PRSS55: variants seen among roughly 807,000 people sequenced by gnomAD.
The protein encoded by PRSS55 is probable serine protease UNQ9391/PRO34284.
PRSS55 carries 41 observed loss-of-function variants against 23.6 expected under a neutral mutation model. The observed-to-expected ratio is 1.74, with a 90% CI of 1.35 to 2.26. PRSS55 has a LOEUF of 2.26. Among genes scored for constraint, PRSS55 ranks in the 30% most tolerant of loss-of-function variants. The pLI is 0.00. For synonymous variants in PRSS55, 262 were observed against 175.5 expected (o/e 1.49, Z -3.90); for missense variants, 669 against 439.1 (o/e 1.52, Z -4.68).
intron 4 of PRSS55, among the ~76,000 whole-genome samples, chr8:10,543,952 T>C (rs192570527): frequency 1.3e-5 from 2 of 152,242 alleles, no homozygotes; most frequent in South Asian, 2.1e-4. Flanking sequence ...ATATGATCTA[T>C]CCTAAAGAAT....
intron 4 of PRSS55, among the ~76,000 whole-genome samples, chr8:10,537,244 T>A (rs1812488078): frequency 6.6e-6 from 1 of 152,158 alleles, no homozygotes; most frequent in Non-Finnish European, 1.5e-5. Flanking sequence ...CACGAATGGA[T>A]GAATTGATAA....
chr8:10,549,483 C>A (rs560603831), intron 4 of PRSS55, among the ~76,000 whole-genome samples: 1 of 152,286 alleles, frequency 6.6e-6, no homozygotes, highest in East Asian at 1.9e-4. Context: ...GGGGCTAAGC[C>A]CACGTACAGC....
chr8:10,542,927 G>C (rs562565793), downstream of PRSS55, among the ~76,000 whole-genome samples: 2 of 140,668 alleles, frequency 1.4e-5, no homozygotes, highest in African/African-American at 5.3e-5. Flanking sequence ...ATGAAATCAA[G>C]AATCAAGGCT....
downstream of PRSS55, among the ~76,000 whole-genome samples, chr8:10,543,424 C>CTT (rs1563547200): frequency 3.9e-3 from 36 of 9,218 alleles, 2 homozygotes; most frequent in Admixed American, 0.016. Flanking sequence ...TTCTTTCTTT[C>CTT]TTCCTTCCTT....
chr8:10,549,148 A>G (rs12541597), intron 4 of PRSS55, among the ~76,000 whole-genome samples: 29,663 of 152,110 alleles, frequency 0.2, 3,155 homozygotes, highest in East Asian at 0.34. Context: ...ATGTAAACGG[A>G]TAGTCACCTC....
chr8:10,543,674 C>T (rs1585891169), downstream of PRSS55, among the ~76,000 whole-genome samples: 1 of 151,312 alleles, frequency 6.6e-6, no homozygotes, highest in Non-Finnish European at 1.5e-5. Flanking sequence ...GCATTTACAG[C>T]TAGACATTTC....
intron 4 of PRSS55, among the ~76,000 whole-genome samples, chr8:10,546,826 C>A (rs1812829833): frequency 6.6e-6 from 1 of 152,026 alleles, no homozygotes; most frequent in African/African-American, 2.4e-5. Context: ...TGATTGCACA[C>A]AGGAGTGTGC....
intron 4 of PRSS55, among the ~76,000 whole-genome samples, chr8:10,536,906 C>T (rs1382720673): frequency 6.6e-6 from 1 of 152,206 alleles, no homozygotes; most frequent in Non-Finnish European, 1.5e-5. Flanking sequence ...TAGTTTTTTA[C>T]TACCCATCAG....
rs561782212 is a variant in PRSS55 at position 10,528,809 on chromosome 8, T to C, written c.155-698T>C. Among the ~76,000 whole-genome samples, 26 of 152,332 alleles carry C rather than the reference T, an allele frequency of 1.7e-4. No individual in the cohort carries two copies. The South Asian group carries it at 5.4e-3, about 32-fold the overall frequency. On this transcript the variant is annotated intron_variant, in intron 1 of 4. Transcript: ENST00000328655. ...GAATTCAGGGTGCAGCAGGTCTGCGTTCCTACTGGACGCTCTAGGGGAAAA... is the reference window on the plus strand; with the variant it reads ...GAATTCAGGGTGCAGCAGGTCTGCGCTCCTACTGGACGCTCTAGGGGAAAA...
In PRSS55 at chr8:10,536,641, A is replaced by T. The variant is rs118131914; in HGVS notation, c.742-1835A>T. Among the ~76,000 whole-genome samples, 522 of 152,332 alleles carry T rather than the reference A, an allele frequency of 3.4e-3. 10 individuals carry two copies. The highest frequency in any genetic ancestry group is 0.026 in the East Asian group (135 of 5,184). The stretch of plus-strand genomic sequence containing the variant: ...CATGTCCTTCGATGGTGAACTGGAT[A>T]AAGAAATTGTGATACACGTACACTG... On this transcript the variant is annotated intron_variant, in intron 4 of 4. Transcript: ENST00000328655.
At chr8:10,540,359 G>A (rs1390892473), downstream of PRSS55, 2 of 152,264 alleles carry the variant, frequency 1.3e-5, no homozygotes, top group African/African-American at 4.8e-5. Context: ...TTAAATGGAA[G>A]CTTGGGCTTT....
chr8:10,538,958 C>T (rs1326278432), downstream of PRSS55: 6 of 590,580 alleles, frequency 1.0e-5, no homozygotes, highest in African/African-American at 1.1e-4. Flanking sequence ...CACTTTGGGT[C>T]TGTGGATTAG....
intron 4 of PRSS55, among the ~76,000 whole-genome samples, chr8:10,550,143 G>A (rs1812920284): frequency 6.6e-6 from 1 of 152,120 alleles, no homozygotes; most frequent in Non-Finnish European, 1.5e-5. Flanking sequence ...GATTGGTCTT[G>A]AACTCCTGAT....
At position 10,529,640 on chromosome 8, in the gene PRSS55, C is replaced by G; in HGVS notation, c.288C>G (p.Ser96=). The G allele has an allele frequency of 6.2e-7, 1 of 1,614,208 alleles. No individual in the cohort carries two copies. The highest frequency in any genetic ancestry group is 8.5e-7 in the Non-Finnish European group (1 of 1,180,038). ...GAAGTGAACCTTTCTGTGGCGGCTC[C>G]ATCCTCAACAAGTGGTGGATTCTCA... ...QARSEPFCGG[S]ILNKWWILTA... The change falls in exon 2 of 5, where the codon TCC becomes TCG. Residue 96 remains serine, a synonymous_variant. Coordinates refer to ENST00000328655, the MANE Select transcript of PRSS55 (RefSeq NM_198464.4).
chr8:10,544,565 T>C (rs866902030), intron 4 of PRSS55, among the ~76,000 whole-genome samples: 19 of 152,342 alleles, frequency 1.2e-4, no homozygotes, highest in Middle Eastern at 3.4e-3. Flanking sequence ...TTTTCCTGTA[T>C]GATGCTTTTC....
At chr8:10,538,134 G>T (rs765630357) in intron 4 of PRSS55, among the ~76,000 whole-genome samples, 80 of 152,098 alleles carry the variant, frequency 5.3e-4, no homozygotes, top group Non-Finnish European at 1.0e-3. Flanking sequence ...CATTTGATAA[G>T]AGCCTCTCAT....
At chr8:10,529,211 G>T (rs930491826) in intron 1 of PRSS55, among the ~76,000 whole-genome samples, 3 of 152,228 alleles carry the variant, frequency 2.0e-5, no homozygotes, top group African/African-American at 7.2e-5. Context: ...ATTTCTCCTG[G>T]ACGAGAGCAG....
At chr8:10,530,997 G>A (rs1812233664) in intron 2 of PRSS55, among the ~76,000 whole-genome samples, 1 of 152,132 alleles carries the variant, frequency 6.6e-6, no homozygotes, top group South Asian at 2.1e-4. Context: ...TGTGTAGAGT[G>A]CTCTAAACCC....
chr8:10,543,792 T>C (rs568172966), downstream of PRSS55, among the ~76,000 whole-genome samples: 4 of 151,838 alleles, frequency 2.6e-5, no homozygotes, highest in South Asian at 8.3e-4. Flanking sequence ...TTTTTACTCA[T>C]TGATTATTTA....
Sources: gnomAD v4.1 joint callset for allele counts (sites outside exome capture counted in the v4.1 genomes callset) on GRCh38, gnomAD v4.1.1 for gene constraint, MANE v1.5 for transcripts, NCBI Gene and HGNC (gene_info 2026-07-23, HGNC 2026-07-21) for gene names.